Variants in DTNB observed in about 807,000 individuals in gnomAD.
DTNB encodes the protein dystrobrevin beta.
In DTNB, 63 loss-of-function variants were observed where a neutral mutation model predicts 90.7. That is an observed-to-expected ratio of 0.69 (90% CI 0.57 to 0.86). The LOEUF is 0.86. Among genes scored for constraint, DTNB ranks in the 40% least tolerant of loss-of-function variants. The pLI is 0.00. For missense variants in DTNB, 744 were observed against 807.1 expected, an observed-to-expected ratio of 0.92 and a Z score of 0.95; for synonymous variants, 277 against 286.7, an observed-to-expected ratio of 0.97 and a Z score of 0.34.
chr2:25,420,514 C>A (rs2049280159), intron 15 of DTNB, among the ~76,000 whole-genome samples: 1 of 84,822 alleles, frequency 1.2e-5, no homozygotes, highest in African/African-American at 3.1e-5. Context: ...ATCTATCTAT[C>A]TATCTATCTG....
chr2:25,528,937 T>C (rs1055591850), intron 9 of DTNB, among the ~76,000 whole-genome samples: 1 of 152,220 alleles, frequency 6.6e-6, no homozygotes, highest in East Asian at 1.9e-4. Flanking sequence ...GAATGAAAGC[T>C]TTAATACCAG....
At position 25,503,308 on chromosome 2, in the gene DTNB, G is replaced by A. The variant is rs113384208; in HGVS notation, c.1002-20435C>T. Reference sequence around the variant, plus strand: ...GTTTGAGACCACACTGGACAACATAGAGAGACTCTCTCCCTCCAAAAAAAA... The same window carrying A: ...GTTTGAGACCACACTGGACAACATAAAGAGACTCTCTCCCTCCAAAAAAAA... On this transcript the variant is annotated intron_variant, in intron 9 of 20. Coordinates refer to ENST00000406818, the MANE Select transcript of DTNB (RefSeq NM_021907.5). Among the ~76,000 whole-genome samples the A allele has an allele frequency of 3.6e-3, 540 of 151,834 alleles. 4 individuals carry two copies. Among genetic ancestry groups the A allele is most frequent in the African/African-American group, 0.012 (515 of 41,404 alleles).
chr2:25,522,459 T>C (rs1225167996), intron 9 of DTNB, among the ~76,000 whole-genome samples: 2 of 152,192 alleles, frequency 1.3e-5, no homozygotes, highest in African/African-American at 4.8e-5. Context: ...ACATTTTAGG[T>C]GCCTACCACG....
At chr2:25,661,975 T>C (rs1205942023) in intron 1 of DTNB, among the ~76,000 whole-genome samples, 1 of 151,784 alleles carries the variant, frequency 6.6e-6, no homozygotes, top group Non-Finnish European at 1.5e-5. Context: ...CCCTACATGG[T>C]GAAACCCCGT....
chr2:25,539,262 A>G (rs529433203), intron 8 of DTNB, among the ~76,000 whole-genome samples: 1 of 152,330 alleles, frequency 6.6e-6, no homozygotes, highest in South Asian at 2.1e-4. Flanking sequence ...TAAGAGTGGA[A>G]TTACTGGCTC....
intron 10 of DTNB, among the ~76,000 whole-genome samples, chr2:25,458,274 GTATTT>G (rs947939777): frequency 6.6e-6 from 1 of 152,058 alleles, no homozygotes; most frequent in African/African-American, 2.4e-5. Flanking sequence ...AACAGTTTGT[GTATTT>G]TATTTTCACA....
At chr2:25,403,278 G>A (rs575930878) in intron 16 of DTNB, among the ~76,000 whole-genome samples, 2 of 152,254 alleles carry the variant, frequency 1.3e-5, no homozygotes, top group South Asian at 2.1e-4. Context: ...ACCACACCCC[G>A]CTAATTTTTG....
intron 8 of DTNB, among the ~76,000 whole-genome samples, chr2:25,564,292 T>C (rs748408219): frequency 6.6e-6 from 1 of 152,204 alleles, no homozygotes; most frequent in Non-Finnish European, 1.5e-5. Context: ...ACTGAATCTG[T>C]AGATGAATTG....
chr2:25,655,597 T>G (rs1483220771), intron 1 of DTNB, among the ~76,000 whole-genome samples: 1 of 152,172 alleles, frequency 6.6e-6, no homozygotes, highest in African/African-American at 2.4e-5. Flanking sequence ...AAAAAGGGCA[T>G]CTGGAGCCAG....
At chr2:25,448,924 C>T (rs2058839746) in intron 12 of DTNB, among the ~76,000 whole-genome samples, 1 of 151,878 alleles carries the variant, frequency 6.6e-6, no homozygotes, top group African/African-American at 2.4e-5. Context: ...GCAACCCACA[C>T]CCCTATTGAA....
chr2:25,385,745 C>A (rs1180398402), intron 18 of DTNB, among the ~76,000 whole-genome samples: 1 of 152,188 alleles, frequency 6.6e-6, no homozygotes, highest in Admixed American at 6.5e-5. Flanking sequence ...TTGTTGAAAC[C>A]ATCCTTTCTT....
rs144217734 is a variant in DTNB at position 25,582,033 on chromosome 2, G to A, written c.604-1207C>T. On this transcript the variant is annotated intron_variant, in intron 6 of 20. Coordinates refer to ENST00000406818, the MANE Select transcript of DTNB (RefSeq NM_021907.5). ...TTCTCAGTCCCACCACTTTCTTAAT[G>A]TGAAGAACAGGATATAAAAAATATA... Among the ~76,000 whole-genome samples, 16 of 152,282 alleles carry A rather than the reference G, an allele frequency of 1.1e-4. No individual in the cohort carries two copies. In the East Asian group the frequency reaches 3.1e-3, roughly 29 times the overall value.
intron 11 of DTNB, among the ~76,000 whole-genome samples, chr2:25,454,249 A>G (rs1221761367): frequency 6.6e-6 from 1 of 152,208 alleles, no homozygotes; most frequent in African/African-American, 2.4e-5. Context: ...CAGGAAAACT[A>G]TGGAAAACGG....
intron 10 of DTNB, among the ~76,000 whole-genome samples, chr2:25,458,289 A>T (rs1457911629): frequency 6.6e-6 from 1 of 152,182 alleles, no homozygotes; most frequent in Non-Finnish European, 1.5e-5. Context: ...TTATTTTCAC[A>T]TTGAAAATCA....
chr2:25,494,053 T>C (rs2068191915), intron 9 of DTNB, among the ~76,000 whole-genome samples: 2 of 152,232 alleles, frequency 1.3e-5, no homozygotes, highest in Non-Finnish European at 2.9e-5. Context: ...TTTGCATACA[T>C]TTCTTTACTT....
intron 9 of DTNB, among the ~76,000 whole-genome samples, chr2:25,512,095 C>T (rs955193678): frequency 2.0e-5 from 3 of 151,952 alleles, no homozygotes; most frequent in South Asian, 2.1e-4. Flanking sequence ...GGGGAAAAAG[C>T]GAGACAAAAG....
intron 9 of DTNB, among the ~76,000 whole-genome samples, chr2:25,505,764 T>G (rs1334900660): frequency 1.3e-5 from 2 of 152,236 alleles, no homozygotes; most frequent in African/African-American, 4.8e-5. Flanking sequence ...TTCAGTTTCA[T>G]GACTCAATTT....
At chr2:25,429,841 C>T (rs2053261383) in intron 14 of DTNB, among the ~76,000 whole-genome samples, 1 of 152,152 alleles carries the variant, frequency 6.6e-6, no homozygotes, top group African/African-American at 2.4e-5. Flanking sequence ...TCTCCTATCA[C>T]TGGCACTCTG....
rs1381416719 is a variant in DTNB, at chr2:25,387,215, G to A, written c.1825+74C>T. 5.5e-6 allele frequency: 8 copies of A among 1,452,010 alleles called. No homozygotes were observed. The Admixed American group carries it at 7.2e-5, about 13-fold the overall frequency. The allele number at this position is 1,452,010 out of a possible 1,614,324, so 89.9% of individuals were successfully genotyped here. A position where few individuals can be genotyped will look rare whatever the true frequency, so the allele number is the denominator to read the frequency against. On this transcript the variant is annotated intron_variant, in intron 18 of 20. Coordinates refer to ENST00000406818, the MANE Select transcript of DTNB (RefSeq NM_021907.5). This position sits in a 1 kb window ranked among gnomAD's most constrained non-coding sequence, Gnocchi z 4.5. ...AGCTGGGTGGTGAGGTTCTGCCGGTGCTGGCAAGGAAGTGAGAAGGGCGCG... is the reference window on the plus strand; with the variant it reads ...AGCTGGGTGGTGAGGTTCTGCCGGTACTGGCAAGGAAGTGAGAAGGGCGCG...
Sources: gnomAD v4.1 joint callset for allele counts (sites outside exome capture counted in the v4.1 genomes callset) on GRCh38, gnomAD v4.1.1 for gene constraint, Gnocchi (gnomAD v3.1) non-coding constraint, MANE v1.5 for transcripts, NCBI Gene and HGNC (gene_info 2026-07-23, HGNC 2026-07-21) for gene names.